Variants in RBBP8 observed in about 807,000 individuals in gnomAD.
RBBP8 encodes the protein RB binding protein 8, endonuclease.
RBBP8 carries 88 observed loss-of-function variants against 108.3 expected under a neutral mutation model. That is an observed-to-expected ratio of 0.81 (90% CI 0.68 to 0.97). The LOEUF is 0.97. Ranked by LOEUF, RBBP8 falls within the 50% of genes least tolerant of loss-of-function variation. The pLI is 0.00. For synonymous variants in RBBP8, 332 were observed against 348.2 expected (o/e 0.95, Z 0.52); for missense variants, 1,023 against 1,049.0 (o/e 0.98, Z 0.34).
intron 1 of RBBP8, among the ~76,000 whole-genome samples, chr18:22,934,444 T>A (rs1910325375): frequency 6.6e-6 from 1 of 152,242 alleles, no homozygotes; most frequent in African/African-American, 2.4e-5. Context: ...AAACCTTCAT[T>A]TTAAACTGTT....
intron 5 of RBBP8, among the ~76,000 whole-genome samples, chr18:22,970,895 T>G (rs1248276676): frequency 2.0e-5 from 3 of 152,202 alleles, no homozygotes; most frequent in Admixed American, 6.5e-5. Flanking sequence ...TTACCTTGTT[T>G]AGGAAGGCTT....
upstream of RBBP8, chr18:22,929,531 T>G (rs911088899): frequency 7.7e-6 from 1 of 129,516 alleles, no homozygotes; most frequent in African/African-American, 3.3e-5. Flanking sequence ...CGGGTGTGTG[T>G]GTGTGTGTGT....
intron 18 of RBBP8, among the ~76,000 whole-genome samples, chr18:23,023,304 C>A (rs2046403275): frequency 6.6e-6 from 1 of 152,074 alleles, no homozygotes; most frequent in Non-Finnish European, 1.5e-5. Context: ...GATTTTAAAA[C>A]CTCACTTACC....
chr18:22,976,941 C>T (rs1051948179), intron 6 of RBBP8, among the ~76,000 whole-genome samples: 1 of 152,026 alleles, frequency 6.6e-6, no homozygotes, highest in Non-Finnish European at 1.5e-5. Flanking sequence ...TTAGTGTTCT[C>T]AAGCACATGC....
chr18:22,956,097 T>A (rs1162734040), intron 4 of RBBP8, among the ~76,000 whole-genome samples: 1 of 152,088 alleles, frequency 6.6e-6, no homozygotes, highest in African/African-American at 2.4e-5. Flanking sequence ...CTTGGAAGGT[T>A]TTTTTTTCGT....
At position 22,940,166 on chromosome 18, in the gene RBBP8, T is replaced by A. The variant is rs76570999; in HGVS notation, c.109+3206T>A. On this transcript the variant is annotated intron_variant, in intron 2 of 18. Coordinates refer to ENST00000327155, the MANE Select transcript of RBBP8 (RefSeq NM_002894.3). The stretch of plus-strand genomic sequence containing the variant: ...GCCTTGACTTTAGGACAGATTTCTC[T>A]ATTTCTGCAAAAAATGTTGGGATTT... 1.1e-4 allele frequency among the ~76,000 whole-genome samples: 17 copies of A among 152,126 alleles called. No homozygotes were observed. The East Asian group carries it at 3.3e-3, about 29-fold the overall frequency.
intron 4 of RBBP8, among the ~76,000 whole-genome samples, chr18:22,954,587 G>A (rs184185420): frequency 1.0e-3 from 157 of 152,296 alleles, no homozygotes; most frequent in African/African-American, 3.7e-3. Context: ...GAGTGTTTGC[G>A]GCTTTTCCAG....
At chr18:22,972,219 T>C (rs1914149230) in intron 5 of RBBP8, among the ~76,000 whole-genome samples, 1 of 150,644 alleles carries the variant, frequency 6.6e-6, no homozygotes, top group East Asian at 2.1e-4. Flanking sequence ...TAGCCGGGCA[T>C]GGTGGCAGGC....
intron 2 of RBBP8, among the ~76,000 whole-genome samples, chr18:22,942,884 T>A (rs1278728444): frequency 2.0e-5 from 3 of 152,076 alleles, no homozygotes; most frequent in African/African-American, 7.3e-5. Flanking sequence ...TATGCCAGCG[T>A]CTGCTATTAA....
At chr18:23,015,654 C>A (rs2046242922) in intron 16 of RBBP8, among the ~76,000 whole-genome samples, 1 of 151,700 alleles carries the variant, frequency 6.6e-6, no homozygotes, top group African/African-American at 2.4e-5. Context: ...GAAATAGGGG[C>A]CTATTTTCAT....
intron 2 of RBBP8, among the ~76,000 whole-genome samples, chr18:22,939,744 C>T (rs1284062422): frequency 1.3e-5 from 2 of 152,104 alleles, no homozygotes; most frequent in East Asian, 3.8e-4. Context: ...ATAGTGCTAG[C>T]TTTAAGGGAA....
At chr18:22,997,356 G>A (rs913282456) in intron 13 of RBBP8, among the ~76,000 whole-genome samples, 1 of 152,112 alleles carries the variant, frequency 6.6e-6, no homozygotes, top group Non-Finnish European at 1.5e-5. Flanking sequence ...AAAGTTCAGG[G>A]GTGTTTAGTG....
intron 17 of RBBP8, among the ~76,000 whole-genome samples, chr18:23,018,314 C>T: frequency 6.6e-6 from 1 of 152,240 alleles, no homozygotes; most frequent in East Asian, 1.9e-4. Flanking sequence ...ACCTTGGCCT[C>T]CCAAAGTACT....
At chr18:22,925,431 G>A (rs1042596367) in intron 3 of RBBP8, among the ~76,000 whole-genome samples, 4 of 151,924 alleles carry the variant, frequency 2.6e-5, no homozygotes, top group East Asian at 1.9e-4. Context: ...AGATTAACAT[G>A]GATTAGAAAA....
rs2045969636 is a variant in RBBP8 at position 23,002,767 on chromosome 18, C to T, written c.2287+1038C>T. The stretch of plus-strand genomic sequence containing the variant: ...ATCTTGATTATGCTCATGTTTCCAT[C>T]AGGTTTTTGAAACAACAGCCCTTAA... On this transcript the variant is annotated intron_variant, in intron 15 of 18. Coordinates refer to ENST00000327155, the MANE Select transcript of RBBP8 (RefSeq NM_002894.3). 2.0e-5 allele frequency among the ~76,000 whole-genome samples: 3 copies of T among 152,144 alleles called. No individual in the cohort carries two copies. The South Asian group carries it at 6.2e-4, about 31-fold the overall frequency.
chr18:22,917,767 G>A (rs1033869073), intron 3 of RBBP8, among the ~76,000 whole-genome samples: 3 of 152,240 alleles, frequency 2.0e-5, no homozygotes, highest in East Asian at 1.9e-4. Flanking sequence ...TTGGGAGGCT[G>A]AGGCAGCCAG....
chr18:22,964,994 T>A (rs1913448357), intron 4 of RBBP8, among the ~76,000 whole-genome samples: 2 of 152,100 alleles, frequency 1.3e-5, no homozygotes, highest in Non-Finnish European at 2.9e-5. Flanking sequence ...CATCCTTTCC[T>A]TTGACATCAT....
At chr18:22,975,471 CA>C (rs1160504232) in intron 6 of RBBP8, among the ~76,000 whole-genome samples, 1 of 151,912 alleles carries the variant, frequency 6.6e-6, no homozygotes, top group African/African-American at 2.4e-5. Flanking sequence ...ATAAATAATA[CA>C]TTATTAAAAT....
At chr18:22,927,200 CCA>C (rs1909822243) in intron 3 of RBBP8, among the ~76,000 whole-genome samples, 1 of 152,138 alleles carries the variant, frequency 6.6e-6, no homozygotes, top group Non-Finnish European at 1.5e-5. Flanking sequence ...ACAATTCACC[CCA>C]GTTTACCAGT....
Sources: gnomAD v4.1 joint callset for allele counts (sites outside exome capture counted in the v4.1 genomes callset) on GRCh38, gnomAD v4.1.1 for gene constraint, MANE v1.5 for transcripts, NCBI Gene and HGNC (gene_info 2026-07-23, HGNC 2026-07-21) for gene names.